Variants in GORASP2 observed in about 807,000 individuals in gnomAD.
GORASP2 encodes the protein Golgi reassembly-stacking protein 2.
A neutral mutation model predicts 45.7 loss-of-function variants in GORASP2; 22 were observed. The observed-to-expected ratio is 0.48, with a 90% CI of 0.34 to 0.69. The LOEUF (loss-of-function observed/expected upper bound fraction) is 0.69. Ranked by LOEUF, GORASP2 falls within the 30% of genes least tolerant of loss-of-function variation. GORASP2 has a pLI of 0.01. For synonymous variants in GORASP2, 221 were observed against 215.6 expected (o/e 1.02, Z -0.22); for missense variants, 491 against 562.7 (o/e 0.87, Z 1.29).
rs779122450 is a variant in GORASP2 at position 170,929,369 on chromosome 2, C to A, written c.29C>A (p.Pro10Gln). The A allele has an allele frequency of 2.1e-6, 3 of 1,411,040 alleles. No homozygotes were observed. The allele number at this position is 1,411,040 out of a possible 1,614,324, so 87.4% of individuals were successfully genotyped here. The change falls in exon 1 of 10, where the codon CCG becomes CAG. Residue 10 changes from proline (P) to glutamine (Q), a missense_variant. By Grantham distance (76) the Pro-to-Gln change is moderately conservative. Around this residue, in one of 2 missense-constraint regions of GORASP2, gnomAD observed 194 missense variants for 270.4 expected, o/e 0.72. Transcript: ENST00000234160. MGSSQSVEI[P>Q]GGGTEGYHVL... ...GGCTCCTCGCAAAGCGTCGAGATCC[C>A]GGGCGGGGGCACCGAGGGCTACCAC...
chr2:170,959,155 T>C (rs1247060975), intron 7 of GORASP2, among the ~76,000 whole-genome samples: 1 of 151,468 alleles, frequency 6.6e-6, no homozygotes, highest in Non-Finnish European at 1.5e-5. Flanking sequence ...AGAGACGGGG[T>C]TTCACCATGT....
intron 7 of GORASP2, among the ~76,000 whole-genome samples, chr2:170,957,759 A>G (rs572714484): frequency 2.0e-5 from 3 of 152,328 alleles, no homozygotes; most frequent in African/African-American, 7.2e-5. Flanking sequence ...AATAACCTCA[A>G]CCAATTTCAG....
intron 1 of GORASP2, among the ~76,000 whole-genome samples, chr2:170,936,053 A>G (rs1411739073): frequency 6.6e-6 from 1 of 152,120 alleles, no homozygotes; most frequent in African/African-American, 2.4e-5. Context: ...CTTTTTAATA[A>G]TTCCTCTGCA....
At position 170,961,725 on chromosome 2, in the gene GORASP2, A is replaced by G. The variant is rs1295743574; in HGVS notation, c.886A>G (p.Met296Val). The change falls in exon 8 of 10, where the codon ATG (methionine) becomes GTG (valine). Residue 296 changes from methionine to valine, a missense_variant. Coordinates refer to ENST00000234160, the MANE Select transcript of GORASP2 (RefSeq NM_015530.5). ...VNQSLTSVPP[M>V]NPATTLPGLM... is the part of the protein sequence containing the mutation. ...CCAGTCCCTCACTTCTGTGCCACCA[A>G]TGAATCCAGCTACTACATTACCAGG... is the stretch of plus-strand genomic sequence containing the variant. 6.3e-6 allele frequency: 10 copies of G among 1,590,898 alleles called. No individual in the cohort carries two copies. The highest frequency in any genetic ancestry group is 1.1e-5 in the South Asian group (1 of 90,610).
chr2:170,948,313 T>C (rs747615873), intron 1 of GORASP2, 37 bp from the exon 2 acceptor site: 2 of 1,218,614 alleles, frequency 1.6e-6, no homozygotes, highest in Non-Finnish European at 2.4e-6. Context: ...TCACCTAAGC[T>C]TTACATTTTT....
intron 1 of GORASP2, among the ~76,000 whole-genome samples, chr2:170,931,680 A>G (rs919953720): frequency 1.3e-5 from 2 of 152,206 alleles, no homozygotes; most frequent in Non-Finnish European, 2.9e-5. Flanking sequence ...GAGTCCCTAT[A>G]ATTCAGATAG....
chr2:170,940,694 T>C (rs1490121091), intron 1 of GORASP2, among the ~76,000 whole-genome samples: 2 of 152,116 alleles, frequency 1.3e-5, no homozygotes, highest in African/African-American at 4.8e-5. Flanking sequence ...AACGGTATCT[T>C]GTAGGACAGC....
intron 1 of GORASP2, among the ~76,000 whole-genome samples, chr2:170,941,084 A>G (rs1179638358): frequency 6.6e-6 from 1 of 152,098 alleles, no homozygotes; most frequent in East Asian, 1.9e-4. Flanking sequence ...AGCAAATATC[A>G]TCTTGTTTAT....
At position 170,951,462 on chromosome 2, in the gene GORASP2, A is replaced by G; in HGVS notation, c.566+4A>G. ...CTGCATGGGGTGGAGAAGGCAGGTA[A>G]GGTCATTTTTTAGACTAAGTTATGA... is the stretch of plus-strand genomic sequence containing the variant. On this transcript the variant is annotated splice_donor_region_variant and intron_variant, in intron 5 of 9. Transcript: ENST00000234160. The G allele has an allele frequency of 1.2e-6, 2 of 1,602,986 alleles. No individual in the cohort carries two copies. The highest frequency in any genetic ancestry group is 1.8e-5 in the Admixed American group (1 of 57,138).
rs113847682 is a variant in GORASP2 at position 170,939,202 on chromosome 2, T to C, written c.64-9148T>C. 3.5e-3 allele frequency among the ~76,000 whole-genome samples: 534 copies of C among 152,382 alleles called. 8 individuals are homozygous for C. Among genetic ancestry groups the C allele is most frequent in the African/African-American group, 0.012 (498 of 41,598 alleles). On this transcript the variant is annotated intron_variant, in intron 1 of 9. Transcript: ENST00000234160. ...ACAGATCTTTTCTGGAAAACTATTATGCAATAATGGGTTTTTATTTCCTTT... is the reference window on the plus strand; with the variant it reads ...ACAGATCTTTTCTGGAAAACTATTACGCAATAATGGGTTTTTATTTCCTTT...
At chr2:170,934,849 T>G (rs1208460019) in intron 1 of GORASP2, among the ~76,000 whole-genome samples, 1 of 152,086 alleles carries the variant, frequency 6.6e-6, no homozygotes, top group African/African-American at 2.4e-5. Flanking sequence ...GCAATTCTCC[T>G]GCCTCAGCCT....
At chr2:170,952,536 T>C (rs1001042006) in intron 5 of GORASP2, among the ~76,000 whole-genome samples, 1 of 152,254 alleles carries the variant, frequency 6.6e-6, no homozygotes, top group Non-Finnish European at 1.5e-5. Context: ...AGGGTCTTGC[T>C]GTTGCCTCAA....
chr2:170,939,917 A>G (rs116623581), intron 1 of GORASP2, among the ~76,000 whole-genome samples: 204 of 152,334 alleles, frequency 1.3e-3, no homozygotes, highest in African/African-American at 4.5e-3. Context: ...GAGGTGGGTC[A>G]TCATTTAGGT....
intron 1 of GORASP2, among the ~76,000 whole-genome samples, 153 bp from the exon 2 acceptor site, chr2:170,948,197 T>C (rs1417468328): frequency 6.6e-6 from 1 of 152,174 alleles, no homozygotes. Flanking sequence ...TGGACGGGCA[T>C]TATCTGGGAG....
intron 1 of GORASP2, among the ~76,000 whole-genome samples, chr2:170,948,030 A>T (rs1704217223): frequency 2.0e-5 from 3 of 152,174 alleles, no homozygotes; most frequent in African/African-American, 4.8e-5. Flanking sequence ...AGGCTGAGGC[A>T]CAAGAATCGC....
rs955994438 is a variant in GORASP2, at chr2:170,959,825, T to TC, written c.824-1838_824-1837insC. Among the ~76,000 whole-genome samples the TC allele has an allele frequency of 9.5e-5, 14 of 147,536 alleles. No homozygotes were observed. The South Asian group carries it at 1.3e-3, about 14-fold the overall frequency. The stretch of plus-strand genomic sequence containing the variant: ...TCTGCAGTGTATCACCTTTTTCTTT[T>TC]TTTTTTTTTTTTTTGAGACGGAGTC... On this transcript the variant is annotated intron_variant, in intron 7 of 9. Transcript: ENST00000234160.
At chr2:170,930,024 C>T (rs1418355833) in intron 1 of GORASP2, 1 of 294,834 alleles carries the variant, frequency 3.4e-6, no homozygotes, top group African/African-American at 2.3e-5. Flanking sequence ...CAAACCTTCT[C>T]AAGATTTCCT....
intron 8 of GORASP2, 24 bp from the exon 9 acceptor site, chr2:170,962,815 T>G: frequency 6.6e-7 from 1 of 1,505,762 alleles, no homozygotes; most frequent in African/African-American, 1.4e-5. Context: ...ATTTCTCTTT[T>G]TTTCTTTTCT....
At chr2:170,945,297 A>ATAAAAAAT (rs1435680723) in intron 1 of GORASP2, among the ~76,000 whole-genome samples, 3 of 152,084 alleles carry the variant, frequency 2.0e-5, no homozygotes, top group African/African-American at 7.2e-5. Context: ...CCCCATCTCT[A>ATAAAAAAT]TAAAAAATTA....
Sources: gnomAD v4.1 joint callset for allele counts (sites outside exome capture counted in the v4.1 genomes callset) on GRCh38, gnomAD v4.1.1 for gene constraint, gnomAD v4.1.1 regional missense constraint, MANE v1.5 for transcripts, NCBI Gene and HGNC (gene_info 2026-07-23, HGNC 2026-07-21) for gene names.